Variants in MCF2 observed in about 807,000 individuals in gnomAD.
The protein encoded by MCF2 is proto-oncogene DBL.
MCF2 carries 44 observed loss-of-function variants against 82.5 expected under a neutral mutation model. The ratio of observed to expected loss-of-function variants is 0.53; its 90% CI spans 0.42 to 0.69. The LOEUF (loss-of-function observed/expected upper bound fraction) is 0.69. Among genes scored for constraint, MCF2 ranks in the 30% least tolerant of loss-of-function variants. The pLI is 0.00. For missense variants in MCF2, 623 were observed against 663.1 expected, an observed-to-expected ratio of 0.94 and a Z score of 0.66; for synonymous variants, 217 against 224.9, an observed-to-expected ratio of 0.96 and a Z score of 0.32.
chrX:139,636,578 T>C (rs1933233809), intron 1 of MCF2, among the ~76,000 whole-genome samples: 1 of 110,776 alleles, frequency 9.0e-6, no homozygotes, highest in Non-Finnish European at 1.9e-5. Flanking sequence ...GAGGATACTA[T>C]GGGAATAGAG....
At position 139,607,785 on chromosome X, in the gene MCF2, A is replaced by T. The variant is rs753304540; in HGVS notation, c.1402-6T>A. On this transcript the variant is annotated splice_polypyrimidine_tract_variant and splice_region_variant and intron_variant, in intron 11 of 24. Coordinates refer to ENST00000370576, the Ensembl canonical transcript of MCF2. Reference sequence around the variant, plus strand: ...CAATCAGGCACCACTTCAATCTGAAATACAGAAAATAAAAGTTAAATTAGC... The same window carrying T: ...CAATCAGGCACCACTTCAATCTGAATTACAGAAAATAAAAGTTAAATTAGC... The T allele has an allele frequency of 6.9e-6, 8 of 1,163,308 alleles. No homozygotes were observed. In the South Asian group the frequency reaches 1.5e-4, roughly 21 times the overall value.
intron 1 of MCF2, among the ~76,000 whole-genome samples, chrX:139,671,107 T>C (rs1302023374): frequency 1.8e-5 from 2 of 112,493 alleles, no homozygotes; most frequent in Non-Finnish European, 3.8e-5. Flanking sequence ...TGCATAAATG[T>C]CTTCTTTTGA....
At chrX:139,673,332 CTTAG>C (rs1934762956) in intron 1 of MCF2, among the ~76,000 whole-genome samples, 2 of 111,330 alleles carry the variant, frequency 1.8e-5, no homozygotes, top group South Asian at 7.6e-4. Context: ...CTGCTCTGAT[CTTAG>C]TTATTTATTG....
At chrX:139,645,770 A>ACAT, upstream of MCF2, 1 of 466,988 alleles carries the variant, frequency 2.1e-6, no homozygotes, top group Non-Finnish European at 3.7e-6. Flanking sequence ...TTGACTGAAG[A>ACAT]CAGATTTGGA....
chrX:139,645,478 G>A (rs189161769), upstream of MCF2: 196 of 465,602 alleles, frequency 4.2e-4, 1 homozygote, highest in African/African-American at 3.1e-3. Context: ...TATTGTCTCC[G>A]TCAGTACCAA....
At chrX:139,647,677 G>A (rs192230698), upstream of MCF2, among the ~76,000 whole-genome samples, 10 of 111,502 alleles carry the variant, frequency 9.0e-5, no homozygotes, top group East Asian at 2.8e-3. Flanking sequence ...AATGGTAACT[G>A]TCATAGGGGT....
At chrX:139,664,776 G>C (rs1165520667) in intron 1 of MCF2, among the ~76,000 whole-genome samples, 4 of 112,091 alleles carry the variant, frequency 3.6e-5, no homozygotes, top group Admixed American at 1.9e-4. Context: ...TGAAAAATGT[G>C]TTGGGTCTCA....
At chrX:139,661,078 T>C (rs1019177675) in intron 1 of MCF2, among the ~76,000 whole-genome samples, 1 of 111,727 alleles carries the variant, frequency 9.0e-6, no homozygotes, top group Non-Finnish European at 1.9e-5. Flanking sequence ...AGGGAAGGTT[T>C]AATAGATAAT....
intron 6 of MCF2, 86 bp from the exon 10 acceptor site, chrX:139,619,792 A>G (rs1234307810): frequency 4.9e-5 from 33 of 679,651 alleles, no homozygotes; most frequent in South Asian, 2.6e-4. Context: ...TTAAACAAAA[A>G]TATTGACATG....
chrX:139,653,063 A>G (rs1934084272), intron 1 of MCF2, among the ~76,000 whole-genome samples: 1 of 111,961 alleles, frequency 8.9e-6, no homozygotes, highest in African/African-American at 3.2e-5. Flanking sequence ...ATGTCTTGTA[A>G]TTTTATATAT....
chrX:139,607,131 A>T (rs890954592), intron 12 of MCF2: 1 of 110,651 alleles, frequency 9.0e-6, no homozygotes. Flanking sequence ...GAGAGAATAG[A>T]TCTTAACTGT....
intron 20 of MCF2, among the ~76,000 whole-genome samples, chrX:139,589,163 C>A: frequency 9.0e-6 from 1 of 111,421 alleles, no homozygotes; most frequent in Non-Finnish European, 1.9e-5. Flanking sequence ...CCTTAAATAT[C>A]CTCCCATCAC....
chrX:139,651,149 GC>G (rs1933993770), intron 2 of MCF2, among the ~76,000 whole-genome samples: 1 of 98,853 alleles, frequency 1.0e-5, no homozygotes, highest in Admixed American at 1.0e-4. Context: ...ACTTAATGCC[GC>G]TGAACTGTAC....
chrX:139,686,425 G>A (rs1935125700), intron 1 of MCF2, among the ~76,000 whole-genome samples: 1 of 110,873 alleles, frequency 9.0e-6, no homozygotes, highest in African/African-American at 3.3e-5. Context: ...GGGAGGCTGA[G>A]GTGAGAGAAT....
intron 6 of MCF2, among the ~76,000 whole-genome samples, chrX:139,625,382 T>C (rs982192827): frequency 8.7e-4 from 97 of 111,186 alleles, no homozygotes; most frequent in Non-Finnish European, 7.9e-4. Flanking sequence ...TTAGGGAAGG[T>C]TTCATGCAGA....
intron 1 of MCF2, among the ~76,000 whole-genome samples, chrX:139,634,171 A>G (rs578104241): frequency 7.1e-5 from 8 of 111,991 alleles, no homozygotes; most frequent in African/African-American, 2.6e-4. Flanking sequence ...ATCAGGAGCC[A>G]TCAGCCTCAA....
intron 1 of MCF2, among the ~76,000 whole-genome samples, chrX:139,664,320 CA>C (rs58144695): frequency 4.9e-3 from 455 of 92,711 alleles, no homozygotes; most frequent in Middle Eastern, 0.017. Flanking sequence ...AAACAAAAAA[CA>C]AAAAAAAAAA....
At chrX:139,661,548 G>A (rs1934355731) in intron 1 of MCF2, among the ~76,000 whole-genome samples, 1 of 111,678 alleles carries the variant, frequency 9.0e-6, no homozygotes, top group Non-Finnish European at 1.9e-5. Flanking sequence ...GAAGGAGAAG[G>A]AGAAAGGAAA....
intron 22 of MCF2, among the ~76,000 whole-genome samples, chrX:139,587,267 T>A (rs988985008): frequency 5.4e-5 from 6 of 110,854 alleles, no homozygotes; most frequent in Admixed American, 9.7e-5. Flanking sequence ...ATCCATACCT[T>A]CTCTCTATGT....
Sources: allele counts gnomAD v4.1 joint callset (sites outside exome capture counted in the v4.1 genomes callset), GRCh38; gene constraint gnomAD v4.1.1; transcripts MANE v1.5; gene names NCBI Gene and HGNC (gene_info 2026-07-23, HGNC 2026-07-21).